GABRB3: variants seen among roughly 807,000 people sequenced by gnomAD.
The protein encoded by GABRB3 is gamma-aminobutyric acid type A receptor subunit beta3.
A neutral mutation model predicts 52.1 loss-of-function variants in GABRB3; 14 were observed. The ratio of observed to expected loss-of-function variants is 0.27; its 90% CI spans 0.18 to 0.42. GABRB3 has a LOEUF of 0.42. Ranked by LOEUF, GABRB3 falls within the 10% of genes least tolerant of loss-of-function variation. The pLI is 1.00. For missense variants in GABRB3, 307 were observed against 609.1 expected, an observed-to-expected ratio of 0.50 and a Z score of 5.22; for synonymous variants, 260 against 232.3, an observed-to-expected ratio of 1.12 and a Z score of -1.08.
In GABRB3 at chr15:26,580,361, C is replaced by A; in HGVS notation, c.640G>T (p.Val214Leu). 6.2e-7 allele frequency: 1 copy of A among 1,614,152 alleles called. No homozygotes were observed. The highest frequency in any genetic ancestry group is 8.5e-7 in the Non-Finnish European group (1 of 1,180,042). The change falls in exon 6 of 9, where the codon GTG (valine) becomes TTG (leucine). Residue 214 changes from valine (V) to leucine (L), a missense_variant. Transcript: ENST00000311550. ...TTCCTCGAGACCAGACGGTGCTCCA[C>A]GATGGAGAACTGCGGGAGCTCAATC... ...ERIELPQFSI[V>L]EHRLVSRNVV...
At chr15:26,665,590 G>A (rs1440039263) in intron 3 of GABRB3, among the ~76,000 whole-genome samples, 2 of 152,154 alleles carry the variant, frequency 1.3e-5, no homozygotes, top group South Asian at 2.1e-4. Flanking sequence ...GGAGGAATAG[G>A]AAATAAGGCA....
intron 4 of GABRB3, among the ~76,000 whole-genome samples, chr15:26,592,979 C>T (rs561425362): frequency 5.3e-4 from 81 of 152,228 alleles, no homozygotes; most frequent in Non-Finnish European, 7.8e-4. Flanking sequence ...CACACCACTG[C>T]ACTCCAGCCT....
At chr15:26,576,400 G>A (rs1456855638) in intron 6 of GABRB3, among the ~76,000 whole-genome samples, 1 of 151,924 alleles carries the variant, frequency 6.6e-6, no homozygotes, top group Non-Finnish European at 1.5e-5. Context: ...TCTTTTTTAC[G>A]CTCATGTATT....
chr15:26,575,430 T>A (rs904509502), intron 6 of GABRB3, among the ~76,000 whole-genome samples: 1 of 152,044 alleles, frequency 6.6e-6, no homozygotes, highest in Non-Finnish European at 1.5e-5. Context: ...GAAATAGAAA[T>A]TTTTCTCTGG....
At chr15:26,761,593 G>A (rs540211612) in intron 3 of GABRB3, among the ~76,000 whole-genome samples, 7 of 151,888 alleles carry the variant, frequency 4.6e-5, no homozygotes, top group Non-Finnish European at 8.8e-5. Flanking sequence ...CCATACCTGT[G>A]TATATAATAG....
At chr15:26,688,703 C>G (rs1475305981) in intron 3 of GABRB3, among the ~76,000 whole-genome samples, 1 of 152,166 alleles carries the variant, frequency 6.6e-6, no homozygotes, top group Non-Finnish European at 1.5e-5. Context: ...TTCTATGGGA[C>G]AGGAATCATA....
chr15:26,563,188 G>T (rs1238664151), intron 7 of GABRB3, among the ~76,000 whole-genome samples: 1 of 152,100 alleles, frequency 6.6e-6, no homozygotes, highest in Non-Finnish European at 1.5e-5. Flanking sequence ...CACAGGCCTC[G>T]GCAGATGTCC....
chr15:26,703,321 T>C (rs757610886), intron 3 of GABRB3, among the ~76,000 whole-genome samples: 47 of 152,128 alleles, frequency 3.1e-4, no homozygotes, highest in Non-Finnish European at 6.0e-4. Flanking sequence ...AACCAATCCC[T>C]CAGTCAAGAC....
intron 8 of GABRB3, among the ~76,000 whole-genome samples, chr15:26,551,261 T>C (rs867474442): frequency 6.6e-6 from 1 of 152,192 alleles, no homozygotes; most frequent in Non-Finnish European, 1.5e-5. Context: ...TAGAAAGTCA[T>C]AGACTTCTGA....
rs769146321 is a variant in GABRB3 at position 26,687,092 on chromosome 15, G to T, written c.241-65558C>A. ...TCCCCTGCCACTCTGGGAAGTGAGG[G>T]TGCAGGGAGGAGTCTCTGGGTGTTC... On this transcript the variant is annotated intron_variant, in intron 3 of 8. Coordinates refer to ENST00000311550, the MANE Select transcript of GABRB3 (RefSeq NM_000814.6). 3.5e-4 allele frequency among the ~76,000 whole-genome samples: 54 copies of T among 152,340 alleles called. 1 individual carries two copies. Among genetic ancestry groups the T allele is most frequent in the South Asian group, 1.9e-3 (9 of 4,830 alleles).
intron 3 of GABRB3, among the ~76,000 whole-genome samples, chr15:26,716,270 C>T (rs533020251): frequency 1.1e-4 from 16 of 152,106 alleles, no homozygotes; most frequent in African/African-American, 2.7e-4. Flanking sequence ...GATGGGTGTG[C>T]GCTGGGAGTG....
chr15:26,728,399 G>A lies in GABRB3; in HGVS notation c.240+44003C>T, dbSNP rs140142010. On this transcript the variant is annotated intron_variant, in intron 3 of 8. Coordinates refer to ENST00000311550, the MANE Select transcript of GABRB3 (RefSeq NM_000814.6). ...CCAGGGACTGCCTCCAGTCCAGCAC[G>A]CACAGAGTCTTCATGGAAAATAAAC... Among the ~76,000 whole-genome samples the A allele has an allele frequency of 2.0e-3, 308 of 152,262 alleles. 3 individuals carry two copies. Among genetic ancestry groups the A allele is most frequent in the African/African-American group, 6.6e-3 (273 of 41,562 alleles).
At chr15:26,626,856 G>A (rs12907740) in intron 3 of GABRB3, among the ~76,000 whole-genome samples, 40,931 of 152,172 alleles carry the variant, frequency 0.27, 7,187 homozygotes, top group East Asian at 0.79. Context: ...AGAAGATCCC[G>A]CTAAAATCAC....
intron 8 of GABRB3, among the ~76,000 whole-genome samples, chr15:26,555,018 A>C (rs1889700523): frequency 6.6e-6 from 1 of 152,026 alleles, no homozygotes. Context: ...TCTCTACTAA[A>C]AATATATATA....
chr15:26,558,355 G>A (rs1254399824), intron 8 of GABRB3, among the ~76,000 whole-genome samples: 1 of 152,166 alleles, frequency 6.6e-6, no homozygotes, highest in East Asian at 1.9e-4. Context: ...ATGAATGTTC[G>A]TGGGCCTCTG....
At chr15:26,695,968 T>C in intron 3 of GABRB3, among the ~76,000 whole-genome samples, 1 of 152,212 alleles carries the variant, frequency 6.6e-6, no homozygotes, top group East Asian at 1.9e-4. Flanking sequence ...TCTTCCACGG[T>C]AGGTTTAAGT....
chr15:26,707,278 C>T (rs763308628), intron 3 of GABRB3, among the ~76,000 whole-genome samples: 1 of 152,008 alleles, frequency 6.6e-6, no homozygotes, highest in South Asian at 2.1e-4. Flanking sequence ...GAGGTAAGAC[C>T]GATAGATATT....
chr15:26,762,714 G>A (rs1041091899), intron 3 of GABRB3, among the ~76,000 whole-genome samples: 3 of 152,074 alleles, frequency 2.0e-5, no homozygotes, highest in African/African-American at 7.2e-5. Flanking sequence ...ACACATTAAC[G>A]TTCTATAGGA....
chr15:26,568,667 T>TG (rs1340489254), intron 6 of GABRB3, among the ~76,000 whole-genome samples: 2 of 120,912 alleles, frequency 1.7e-5, no homozygotes, highest in African/African-American at 3.4e-5. Context: ...CCAGCTAGGT[T>TG]TTTTTTTTTT....
Sources: gnomAD v4.1 joint callset for allele counts (sites outside exome capture counted in the v4.1 genomes callset) on GRCh38, gnomAD v4.1.1 for gene constraint, MANE v1.5 for transcripts, NCBI Gene and HGNC (gene_info 2026-07-23, HGNC 2026-07-21) for gene names.